Variants in CDKAL1 observed in about 807,000 individuals in gnomAD.
CDKAL1 encodes the protein threonylcarbamoyladenosine tRNA methylthiotransferase.
In CDKAL1, 32 loss-of-function variants were observed where a neutral mutation model predicts 68.2. The ratio of observed to expected loss-of-function variants is 0.47; its 90% confidence interval spans 0.35 to 0.63. The LOEUF is 0.63. Ranked by LOEUF, CDKAL1 falls within the 30% of genes least tolerant of loss-of-function variation. CDKAL1 has a pLI of 0.00. For synonymous variants in CDKAL1, 234 were observed against 244.3 expected (o/e 0.96, Z 0.39); for missense variants, 606 against 696.7 (o/e 0.87, Z 1.47).
chr6:21,163,986 G>A (rs1278595218), intron 13 of CDKAL1, among the ~76,000 whole-genome samples: 1 of 151,752 alleles, frequency 6.6e-6, no homozygotes, highest in African/African-American at 2.4e-5. Context: ...GAAATAATGT[G>A]TCTATTTTAG....
At chr6:20,746,386 G>A (rs1030758129) in intron 6 of CDKAL1, among the ~76,000 whole-genome samples, 2 of 152,222 alleles carry the variant, frequency 1.3e-5, no homozygotes, top group Non-Finnish European at 1.5e-5. Flanking sequence ...GAGTATTAAA[G>A]TTAAATCACA....
At chr6:21,207,685 A>G (rs756743756) in intron 15 of CDKAL1, among the ~76,000 whole-genome samples, 3 of 152,208 alleles carry the variant, frequency 2.0e-5, no homozygotes, top group Non-Finnish European at 2.9e-5. Context: ...AGTTCTCCCT[A>G]TGTAAATGAG....
intron 12 of CDKAL1, among the ~76,000 whole-genome samples, chr6:21,077,721 C>A (rs1050213775): frequency 6.6e-6 from 1 of 152,234 alleles, no homozygotes; most frequent in African/African-American, 2.4e-5. Flanking sequence ...ACCCAGTCAC[C>A]TCTCACCAGG....
intron 13 of CDKAL1, among the ~76,000 whole-genome samples, chr6:21,181,005 T>G (rs12523755): frequency 0.057 from 8,620 of 152,242 alleles, 295 homozygotes; most frequent in East Asian, 0.11. Context: ...GACCAGGCCC[T>G]TACTGCTGGC....
chr6:21,049,194 T>C (rs900690605), intron 11 of CDKAL1, among the ~76,000 whole-genome samples: 12 of 152,212 alleles, frequency 7.9e-5, no homozygotes, highest in Non-Finnish European at 1.5e-4. Context: ...AAATTTCCAC[T>C]GTGTGCAAAA....
chr6:20,628,418 T>C (rs567787692), intron 4 of CDKAL1, among the ~76,000 whole-genome samples: 19 of 152,288 alleles, frequency 1.2e-4, no homozygotes, highest in African/African-American at 4.6e-4. Context: ...GTCTGACTGT[T>C]GTCTCAGGCA....
intron 12 of CDKAL1, among the ~76,000 whole-genome samples, chr6:21,067,503 T>G (rs1771524760): frequency 6.6e-6 from 1 of 152,082 alleles, no homozygotes; most frequent in Admixed American, 6.6e-5. Flanking sequence ...TCTCAGCTAT[T>G]CGGGAGGCTG....
At chr6:20,846,967 T>C (rs1778398446) in intron 9 of CDKAL1, among the ~76,000 whole-genome samples, 1 of 152,228 alleles carries the variant, frequency 6.6e-6, no homozygotes. Context: ...GCAATGTACT[T>C]TTCTTTTTGT....
chr6:20,754,608 T>A (rs1247986001), intron 6 of CDKAL1, among the ~76,000 whole-genome samples: 3 of 152,218 alleles, frequency 2.0e-5, no homozygotes, highest in Non-Finnish European at 4.4e-5. Context: ...CTTGGAAAAG[T>A]GTCTGTTCAG....
chr6:21,036,009 C>A (rs1229825966), intron 11 of CDKAL1, among the ~76,000 whole-genome samples: 1 of 152,088 alleles, frequency 6.6e-6, no homozygotes, highest in Non-Finnish European at 1.5e-5. Context: ...ATTTCCTTTG[C>A]GCTTGCATCA....
At position 21,206,912 on chromosome 6, in the gene CDKAL1, T is replaced by C. The variant is rs142561310; in HGVS notation, c.1548+5638T>C. ...GTGGTTTCCTGGCTTTTATTTTGAT[T>C]TCTTTTACTTTAATTTCTTTTTTTT... On this transcript the variant is annotated intron_variant, in intron 15 of 15. Transcript: ENST00000274695. 9.3e-3 allele frequency among the ~76,000 whole-genome samples: 1,380 copies of C among 148,424 alleles called. 16 individuals carry two copies. The highest frequency in any genetic ancestry group is 0.03 in the African/African-American group (1,234 of 40,788).
chr6:20,982,314 C>T (rs1766197976), intron 10 of CDKAL1, among the ~76,000 whole-genome samples: 1 of 152,004 alleles, frequency 6.6e-6, no homozygotes, highest in Non-Finnish European at 1.5e-5. Context: ...CTGCCTCAGC[C>T]TCCGAAAGTG....
intron 9 of CDKAL1, among the ~76,000 whole-genome samples, chr6:20,869,893 T>C (rs994404864): frequency 1.3e-5 from 2 of 152,170 alleles, no homozygotes; most frequent in African/African-American, 2.4e-5. Flanking sequence ...CGGGGTGCAG[T>C]GTATCAAAAT....
At chr6:21,132,509 ATGT>A (rs1373249373) in intron 13 of CDKAL1, among the ~76,000 whole-genome samples, 597 of 150,958 alleles carry the variant, frequency 4.0e-3, no homozygotes, top group African/African-American at 0.014. Flanking sequence ...TTATGTTAAT[ATGT>A]AGTCATTCCT....
intron 5 of CDKAL1, among the ~76,000 whole-genome samples, chr6:20,725,407 A>C (rs1221626003): frequency 6.6e-6 from 1 of 152,200 alleles, no homozygotes; most frequent in East Asian, 1.9e-4. Flanking sequence ...GTGCAAGGTG[A>C]GTTTTGAATG....
intron 11 of CDKAL1, among the ~76,000 whole-genome samples, chr6:21,005,168 G>T (rs751309314): frequency 3.9e-5 from 6 of 151,966 alleles, no homozygotes; most frequent in Non-Finnish European, 7.4e-5. Flanking sequence ...ACTGCGTTAT[G>T]TTGGGGATGA....
At position 21,021,229 on chromosome 6, in the gene CDKAL1, G is replaced by C. The variant is rs143618085; in HGVS notation, c.1055+20857G>C. The stretch of plus-strand genomic sequence containing the variant: ...TTCTCTTACCTTGATTTGCTTTTCT[G>C]TAAAAATGAGGATAATTACATCCTT... On this transcript the variant is annotated intron_variant, in intron 11 of 15. Transcript: ENST00000274695. 2.4e-3 allele frequency among the ~76,000 whole-genome samples: 369 copies of C among 152,242 alleles called. 3 individuals carry two copies. The highest frequency in any genetic ancestry group is 8.4e-3 in the African/African-American group (351 of 41,544).
chr6:21,087,374 C>T (rs144209058), intron 12 of CDKAL1, among the ~76,000 whole-genome samples: 39 of 152,268 alleles, frequency 2.6e-4, no homozygotes, highest in African/African-American at 8.2e-4. Context: ...TTCTGTCTCC[C>T]AGGCTGGAGT....
chr6:20,805,404 T>C (rs950072404), intron 8 of CDKAL1, among the ~76,000 whole-genome samples: 1 of 152,226 alleles, frequency 6.6e-6, no homozygotes, highest in Non-Finnish European at 1.5e-5. Flanking sequence ...CACAGTGTTT[T>C]CAGTGGATGT....
Sources: allele counts gnomAD v4.1 joint callset (sites outside exome capture counted in the v4.1 genomes callset), GRCh38; gene constraint gnomAD v4.1.1; transcripts MANE v1.5; gene names NCBI Gene and HGNC (gene_info 2026-07-23, HGNC 2026-07-21).